Variants in DENND3 observed in about 807,000 individuals in gnomAD.
DENND3 encodes DENN domain containing 3.
Under a neutral mutation model 135.1 loss-of-function variants are expected in DENND3, and 88 were observed. That is an observed-to-expected ratio of 0.65 (90% CI 0.55 to 0.78). The LOEUF (loss-of-function observed/expected upper bound fraction) is 0.78. DENND3 is among the 30% of genes least tolerant of loss of function. The pLI is 0.00. For synonymous variants in DENND3, 693 were observed against 712.3 expected (o/e 0.97, Z 0.43); for missense variants, 1,392 against 1,688.4 (o/e 0.82, Z 3.08).
In DENND3 at chr8:141,160,618, C is replaced by G; in HGVS notation, c.1197-14C>G. On this transcript the variant is annotated splice_polypyrimidine_tract_variant and intron_variant, in intron 8 of 22. Transcript: ENST00000519811. ...CTGCTGGGGCTGAGCTAGCTTCGGT[C>G]TGCCTCCTTCCAGGGTGCAGAGCCT... The G allele has an allele frequency of 6.3e-7, 1 of 1,587,398 alleles. No individual in the cohort carries two copies.
Position 141,157,845 on chromosome 8 carries a change from C to T in DENND3, c.1196+1875C>T, listed in dbSNP as rs113776871. On this transcript the variant is annotated intron_variant, in intron 8 of 22. Transcript: ENST00000519811. ...CGTGATCTTGGCTCACTGCAACCTC[C>T]GCCTTCCAGGTTCAAGCGATTCTCC... 1,836 of 925,804 alleles carry T rather than the reference C, an allele frequency of 2.0e-3. 24 individuals are homozygous for T. In the African/African-American group the frequency reaches 0.03, roughly 15 times the overall value. The allele number at this position is 925,804 out of a possible 1,614,324, so 57.3% of individuals were successfully genotyped here.
intron 4 of DENND3, chr8:141,142,186 G>T (rs564222538): frequency 1.2e-5 from 4 of 340,058 alleles, no homozygotes; most frequent in South Asian, 8.6e-5. Context: ...GTGATGTTGG[G>T]GGCTGTAGCC....
At chr8:141,134,696 C>T (rs1025885018) in intron 1 of DENND3, among the ~76,000 whole-genome samples, 1 of 152,192 alleles carries the variant, frequency 6.6e-6, no homozygotes, top group African/African-American at 2.4e-5. Context: ...AGTGTGCTTA[C>T]TGATGGAAAC....
intron 18 of DENND3, among the ~76,000 whole-genome samples, chr8:141,188,111 G>A (rs1296024080): frequency 3.3e-5 from 5 of 152,208 alleles, no homozygotes; most frequent in East Asian, 1.9e-4. Context: ...CTGTAGTCCC[G>A]GCTACTCGGG....
At position 141,138,059 on chromosome 8, in the gene DENND3, C is replaced by A. The variant is rs146488694; in HGVS notation, c.423C>A (p.Cys141Ter). 6.2e-7 allele frequency: 1 copy of A among 1,608,744 alleles called. No homozygotes were observed. The highest frequency in any genetic ancestry group is 1.7e-5 in the Admixed American group (1 of 59,362). Reference protein sequence around the residue: ...VCVATEPKEDCVHFLVLTDVC... With the variant: ...VCVATEPKED ...TGGCCACTGAACCTAAGGAGGATTGCGTCCACTTCCTGGTGCTGACCGATG... is the reference window on the plus strand; with the variant it reads ...TGGCCACTGAACCTAAGGAGGATTGAGTCCACTTCCTGGTGCTGACCGATG... The change falls in exon 3 of 23, where the codon TGC becomes TGA. Residue 141 changes from cysteine (C) to a stop codon, truncating the protein, a stop_gained. Transcript: ENST00000519811. LOFTEE classifies it high-confidence loss of function. The surrounding 1 kb of genome is among the most constrained non-coding windows in gnomAD (Gnocchi z 4.8).
In DENND3 at chr8:141,143,881, G is replaced by A. The variant is rs182856746; in HGVS notation, c.624-267G>A. 30 of 338,598 alleles carry A rather than the reference G, an allele frequency of 8.9e-5. No individual in the cohort carries two copies. In the East Asian group the frequency reaches 1.6e-3, roughly 18 times the overall value. 21.0% of individuals were successfully genotyped at this position (338,598 alleles called of 1,614,324 possible). On this transcript the variant is annotated intron_variant, in intron 4 of 22. Transcript: ENST00000519811. ...TTTCCCACAAATTGAACACACACAT[G>A]TAACTAGCACCCAGATGAGGAAACA...
At position 141,161,120 on chromosome 8, in the gene DENND3, G is replaced by A. The variant is rs187889994; in HGVS notation, c.1352+333G>A. Reference sequence around the variant, plus strand: ...GACCCCCTGCAGGTGGCTGTTTTGGGACAGCCCTCTAGGAAGACGCAAATC... The same window carrying A: ...GACCCCCTGCAGGTGGCTGTTTTGGAACAGCCCTCTAGGAAGACGCAAATC... On this transcript the variant is annotated intron_variant, in intron 9 of 22. Transcript: ENST00000519811. 1.2e-3 allele frequency among the ~76,000 whole-genome samples: 188 copies of A among 152,264 alleles called. 1 individual carries two copies. The highest frequency in any genetic ancestry group is 1.2e-3 in the Non-Finnish European group (81 of 68,018).
chr8:141,136,808 G>T lies in DENND3; in HGVS notation c.385+17G>T. 1 of 1,525,152 alleles carries T rather than the reference G, an allele frequency of 6.6e-7. No individual in the cohort carries two copies. The highest frequency in any genetic ancestry group is 2.4e-5 in the East Asian group (1 of 41,814). The allele number at this position is 1,525,152 out of a possible 1,614,324, so 94.5% of individuals were successfully genotyped here. A position where few individuals can be genotyped will look rare whatever the true frequency, so the allele number is the denominator to read the frequency against. On this transcript the variant is annotated intron_variant, in intron 2 of 22. Coordinates refer to ENST00000519811, the MANE Select transcript of DENND3 (RefSeq NM_001352890.3). ...GCTTCCCAGGTATGTCTAGGAGGTGGGCACCACTGGGCGCCTCCTGCTGCC... is the reference window on the plus strand; with the variant it reads ...GCTTCCCAGGTATGTCTAGGAGGTGTGCACCACTGGGCGCCTCCTGCTGCC...
At position 141,190,601 on chromosome 8, in the gene DENND3, TC is replaced by T. The variant is rs551045812; in HGVS notation, c.3379+188del. ...CACCTGCACTGCTGCTCCTGGGGGCTCCCCAGGCCTCCCTCTGCCTTTCTAC... is the reference window on the plus strand; with the variant it reads ...CACCTGCACTGCTGCTCCTGGGGGCTCCCAGGCCTCCCTCTGCCTTTCTAC... On this transcript the variant is annotated intron_variant, in intron 20 of 22. Coordinates refer to ENST00000519811, the MANE Select transcript of DENND3 (RefSeq NM_001352890.3). 311 of 838,778 alleles carry T rather than the reference TC, an allele frequency of 3.7e-4. 1 individual carries two copies. The African/African-American group carries it at 4.9e-3, about 13-fold the overall frequency. 52.0% of individuals were successfully genotyped at this position (838,778 alleles called of 1,614,324 possible).
At chr8:141,156,050 A>G in intron 8 of DENND3, 80 bp downstream of exon 8, 1 of 1,470,638 alleles carries the variant, frequency 6.8e-7, no homozygotes, top group Non-Finnish European at 9.1e-7. Flanking sequence ...TATCTTTTCC[A>G]ATTTTATATA....
intron 17 of DENND3, among the ~76,000 whole-genome samples, chr8:141,184,085 C>T (rs920932342): frequency 2.6e-5 from 4 of 152,206 alleles, no homozygotes; most frequent in South Asian, 2.1e-4. Flanking sequence ...TCTTCATGGC[C>T]GGACACGGCG....
At chr8:141,185,894 G>A (rs987207750) in intron 18 of DENND3, among the ~76,000 whole-genome samples, 4 of 151,686 alleles carry the variant, frequency 2.6e-5, no homozygotes, top group Non-Finnish European at 5.9e-5. Context: ...GAGCCATTGT[G>A]GTCTCTGCCT....
chr8:141,138,389 CT>C lies in DENND3; in HGVS notation c.501+263del, dbSNP rs549087935. On this transcript the variant is annotated intron_variant, in intron 3 of 22. Transcript: ENST00000519811. The surrounding 1 kb of genome is among the most constrained non-coding windows in gnomAD (Gnocchi z 4.8). ...TGCCTGGCGATGGCTAATCTGCTTGCTTTTTTTTTTTATTGAGATGGAGTCT... is the reference window on the plus strand; with the variant it reads ...TGCCTGGCGATGGCTAATCTGCTTGCTTTTTTTTTTATTGAGATGGAGTCT... 3.6e-4 allele frequency among the ~76,000 whole-genome samples: 52 copies of C among 145,780 alleles called. No individual in the cohort carries two copies. The highest frequency in any genetic ancestry group is 5.5e-4 in the Admixed American group (8 of 14,496).
At chr8:141,185,781 C>T (rs1028889662) in intron 18 of DENND3, among the ~76,000 whole-genome samples, 14 of 151,280 alleles carry the variant, frequency 9.3e-5, no homozygotes, top group African/African-American at 3.2e-4. Flanking sequence ...GCCAAGATCG[C>T]GCCACTGCAC....
chr8:141,141,461 C>T lies in DENND3; in HGVS notation c.623+137C>T, dbSNP rs1817448705. On this transcript the variant is annotated intron_variant, in intron 4 of 22. Transcript: ENST00000519811. This position sits in a 1 kb window ranked among gnomAD's most constrained non-coding sequence, Gnocchi z 5.3. ...TCTCCTGGTGAGCCGGGGGACCGGG[C>T]GCTGGGGGCAGTAGGAGGGGCAGTT... 10 of 1,025,268 alleles carry T rather than the reference C, an allele frequency of 9.8e-6. No homozygotes were observed. Among genetic ancestry groups the T allele is most frequent in the African/African-American group, 3.4e-5 (2 of 57,972 alleles). The allele number at this position is 1,025,268 out of a possible 1,614,324, so 63.5% of individuals were successfully genotyped here. A position where few individuals can be genotyped will look rare whatever the true frequency, so the allele number is the denominator to read the frequency against.
At chr8:141,169,462 T>C (rs1027099645) in intron 13 of DENND3, among the ~76,000 whole-genome samples, 5 of 152,226 alleles carry the variant, frequency 3.3e-5, no homozygotes. Context: ...CACAGAACCA[T>C]GGCCTCGGCT....
In DENND3 at chr8:141,136,764, C is replaced by G. The variant is rs1455891214; in HGVS notation, c.358C>G (p.Leu120Val). The G allele has an allele frequency of 6.3e-7, 1 of 1,586,518 alleles. No individual in the cohort carries two copies. The highest frequency in any genetic ancestry group is 2.3e-5 in the East Asian group (1 of 43,718). ...CGCCGTCCCGGGCGGCGTGGACCTC[C>G]TCACCCTGCCGCAGCTGTGCTTCCC... is the stretch of plus-strand genomic sequence containing the variant. ...DVAVPGGVDL[L>V]TLPQLCFPGG... is the part of the protein sequence containing the mutation. Residue 120 changes from leucine to valine, a missense_variant, in exon 2 of 23, where the codon CTC becomes GTC. Coordinates refer to ENST00000519811, the MANE Select transcript of DENND3 (RefSeq NM_001352890.3).
chr8:141,173,974 A>C (rs1056599102), intron 13 of DENND3, among the ~76,000 whole-genome samples: 3 of 152,194 alleles, frequency 2.0e-5, no homozygotes, highest in Admixed American at 6.5e-5. Context: ...CAGCAGTGCC[A>C]TAAGGGAAGC....
At chr8:141,161,908 C>G (rs961915620) in intron 9 of DENND3, among the ~76,000 whole-genome samples, 1 of 149,444 alleles carries the variant, frequency 6.7e-6, no homozygotes, top group Non-Finnish European at 1.5e-5. Flanking sequence ...TTAAGCAATT[C>G]TCCTGCCTCG....
Sources: gnomAD v4.1 joint callset for allele counts (sites outside exome capture counted in the v4.1 genomes callset) on GRCh38, gnomAD v4.1.1 for gene constraint, Gnocchi (gnomAD v3.1) non-coding constraint, MANE v1.5 for transcripts, NCBI Gene and HGNC (gene_info 2026-07-23, HGNC 2026-07-21) for gene names.